Variants in ERAP1 observed in about 807,000 individuals in gnomAD.
ERAP1 encodes the protein endoplasmic reticulum aminopeptidase 1.
A neutral mutation model predicts 103.7 loss-of-function variants in ERAP1; 86 were observed. The ratio of observed to expected loss-of-function variants is 0.83; its 90% CI spans 0.70 to 0.99. The LOEUF (loss-of-function observed/expected upper bound fraction) is 0.99. Ranked by LOEUF, ERAP1 falls within the 50% of genes least tolerant of loss-of-function variation. ERAP1 has a pLI of 0.00. For synonymous variants in ERAP1, 398 were observed against 402.4 expected (o/e 0.99, Z 0.13); for missense variants, 1,009 against 1,128.4 (o/e 0.89, Z 1.52).
chr5:96,892,932 C>G, the ERAP1 span, among the ~76,000 whole-genome samples: 1 of 152,136 alleles, frequency 6.6e-6, no homozygotes, highest in African/African-American at 2.4e-5. Flanking sequence ...GGGCACATAC[C>G]TAACTCTCTG....
chr5:96,916,306 A>G, the ERAP1 span, among the ~76,000 whole-genome samples: 1 of 152,040 alleles, frequency 6.6e-6, no homozygotes, highest in Non-Finnish European at 1.5e-5. Flanking sequence ...ACGTGTATTC[A>G]TAGCATTCAA....
the ERAP1 span, among the ~76,000 whole-genome samples, chr5:96,863,468 C>A: frequency 6.6e-6 from 1 of 152,146 alleles, no homozygotes; most frequent in South Asian, 2.1e-4. Flanking sequence ...TCATTTGTGT[C>A]TCCTGATCAC....
At chr5:96,837,866 GC>G in the ERAP1 span, among the ~76,000 whole-genome samples, 2 of 152,170 alleles carry the variant, frequency 1.3e-5, no homozygotes, top group Admixed American at 1.3e-4. Context: ...GGGGGACAGA[GC>G]AGGAAGATAA....
the ERAP1 span, among the ~76,000 whole-genome samples, chr5:96,883,283 C>T: frequency 6.6e-6 from 1 of 152,172 alleles, no homozygotes. Context: ...CTGCTTCCCT[C>T]ACTCCCTTAC....
At chr5:96,909,106 GA>G in the ERAP1 span, 1 of 1,613,914 alleles carries the variant, frequency 6.2e-7, no homozygotes, top group Non-Finnish European at 8.5e-7. Flanking sequence ...AGATATCTCT[GA>G]AAACCTCAAG....
At chr5:96,923,213 G>A in the ERAP1 span, among the ~76,000 whole-genome samples, 1 of 152,068 alleles carries the variant, frequency 6.6e-6, no homozygotes, top group Non-Finnish European at 1.5e-5. Context: ...CTCCCGTCCT[G>A]CCGCCTTGGG....
chr5:96,900,309 C>T, the ERAP1 span: 1 of 1,410,514 alleles, frequency 7.1e-7, no homozygotes, highest in South Asian at 1.7e-5. Flanking sequence ...AGAGAGCCCC[C>T]ACGATTTTCT....
the ERAP1 span, chr5:96,903,540 T>C: frequency 6.2e-7 from 1 of 1,605,322 alleles, no homozygotes; most frequent in Non-Finnish European, 8.5e-7. Context: ...GTCTGATTCA[T>C]GATGTGTTTC....
downstream of ERAP1, chr5:96,770,738 C>T (rs760206066): frequency 8.5e-6 from 5 of 590,826 alleles, no homozygotes; most frequent in Non-Finnish European, 1.2e-5. Context: ...CCCATAGCAT[C>T]GCTTGGTAAA....
At chr5:96,803,981 A>G in intron 1 of ERAP1, 38 bp from the exon 2 acceptor site, 1 of 1,592,344 alleles carries the variant, frequency 6.3e-7, no homozygotes, top group South Asian at 1.1e-5. Context: ...AATATATGTC[A>G]TTAAAATGTT....
chr5:96,836,176 G>GTTTTTTTTTTTTTTTTTTTTTTTTT, the ERAP1 span, among the ~76,000 whole-genome samples: 72 of 106,644 alleles, frequency 6.8e-4, no homozygotes, highest in Non-Finnish European at 7.8e-4. Context: ...CACCTCTTTG[G>GTTTTTTTTTTTTTTTTTTTTTTTTT]TTTTTTTTTT....
At chr5:96,912,728 A>T in the ERAP1 span, 2 of 1,603,342 alleles carry the variant, frequency 1.2e-6, no homozygotes, top group South Asian at 1.1e-5. Flanking sequence ...TGAACTGTCA[A>T]TGTCAAGTGC....
chr5:96,829,595 A>G, the ERAP1 span, among the ~76,000 whole-genome samples: 1 of 152,222 alleles, frequency 6.6e-6, no homozygotes, highest in Admixed American at 6.5e-5. Context: ...AGGCTAACAT[A>G]ACAATCAGCT....
the ERAP1 span, among the ~76,000 whole-genome samples, chr5:96,906,460 G>A: frequency 5.1e-4 from 78 of 152,142 alleles, no homozygotes; most frequent in African/African-American, 1.6e-3. Flanking sequence ...CAGAGATGGC[G>A]TCTGCCTATG....
chr5:96,785,961 G>T lies in ERAP1; in HGVS notation c.1770C>A (p.Ile590=). The change falls in exon 13 of 19, where the codon ATC becomes ATA. Residue 590 remains isoleucine (I), a synonymous_variant. Transcript: ENST00000443439. ...FLLKTKTDVL[I]LPEEVEWIKF... The stretch of plus-strand genomic sequence containing the variant: ...TGATCCATTCCACCTCTTCTGGGAG[G>T]ATGAGCACATCTAGAGTAAATAAAA... 6.2e-7 allele frequency: 1 copy of T among 1,614,048 alleles called. No homozygotes were observed.
chr5:96,785,807 T>C lies in ERAP1; in HGVS notation c.1924A>G (p.Asn642Asp). ...TATTACCTGACGAGCTGAAATGCAT[T>C]GTTAATGAGACTCGCCCGATCATTA... ...SSNDRASLIN[N>D]AFQLVSIGKL... is the part of the protein sequence containing the mutation. Residue 642 changes from asparagine to aspartate, a missense_variant, in exon 13 of 19, where the codon AAT becomes GAT. Coordinates refer to ENST00000443439, the MANE Select transcript of ERAP1 (RefSeq NM_001040458.3). 2 of 1,614,152 alleles carry C rather than the reference T, an allele frequency of 1.2e-6. No homozygotes were observed. The highest frequency in any genetic ancestry group is 2.2e-5 in the South Asian group (2 of 91,084).
At chr5:96,897,007 A>G in the ERAP1 span, 1 of 573,304 alleles carries the variant, frequency 1.7e-6, no homozygotes. Flanking sequence ...AGAAGGCAGC[A>G]CTTCCCTTTT....
At chr5:96,772,704 CAG>C (rs1374531964), downstream of ERAP1, 2 of 152,652 alleles carry the variant, frequency 1.3e-5, no homozygotes, top group African/African-American at 2.4e-5. Flanking sequence ...GCTTTGGCAA[CAG>C]AAAACAATTG....
chr5:96,935,275 C>G, the ERAP1 span: 1 of 152,484 alleles, frequency 6.6e-6, no homozygotes, highest in Admixed American at 6.5e-5. Flanking sequence ...GTTATCCGCC[C>G]GCACCTAGAG....
Sources: gnomAD v4.1 joint callset for allele counts (sites outside exome capture counted in the v4.1 genomes callset) on GRCh38, gnomAD v4.1.1 for gene constraint, MANE v1.5 for transcripts, NCBI Gene and HGNC (gene_info 2026-07-23, HGNC 2026-07-21) for gene names.